Variants in SRP54 observed in about 807,000 individuals in gnomAD.
The protein encoded by SRP54 is signal recognition particle subunit SRP54.
A neutral mutation model predicts 64.8 loss-of-function variants in SRP54; 10 were observed. The ratio of observed to expected loss-of-function variants is 0.15; its 90% CI spans 0.10 to 0.26. SRP54 has a LOEUF of 0.26. SRP54 is among the 10% of genes least tolerant of loss of function. The probability of loss-of-function intolerance (pLI) is 1.00; values close to 1 mark genes in which losing one functional copy is unlikely to be tolerated. For synonymous variants in SRP54, 193 were observed against 185.6 expected (o/e 1.04, Z -0.32); for missense variants, 325 against 613.7 (o/e 0.53, Z 4.97).
At chr14:35,019,385 T>A in intron 13 of SRP54, 1 of 196,456 alleles carries the variant, frequency 5.1e-6, no homozygotes, top group South Asian at 9.4e-5. Flanking sequence ...TGCTAGTTTT[T>A]AAAGAGTTAA....
chr14:35,022,754 T>C (rs146957319), intron 13 of SRP54, among the ~76,000 whole-genome samples, 156 bp from the exon 14 acceptor site: 488 of 152,336 alleles, frequency 3.2e-3, no homozygotes, highest in Non-Finnish European at 5.3e-3. Flanking sequence ...TGTTTTTCTG[T>C]ATGTAAGATA....
intron 9 of SRP54, 111 bp downstream of exon 9, chr14:35,013,605 A>G: frequency 7.7e-7 from 1 of 1,297,584 alleles, no homozygotes; most frequent in Non-Finnish European, 1.1e-6. Context: ...TGAGCCTAAT[A>G]TGGTTTATAA....
intron 13 of SRP54, among the ~76,000 whole-genome samples, chr14:35,020,553 A>G (rs1199727063): frequency 2.6e-5 from 4 of 152,192 alleles, no homozygotes; most frequent in Admixed American, 2.6e-4. Flanking sequence ...ACAATTTTTC[A>G]TATCTGTGCT....
chr14:34,983,329 A>G (rs1025584046), intron 1 of SRP54, 114 bp downstream of exon 1: 2 of 151,902 alleles, frequency 1.3e-5, no homozygotes, highest in African/African-American at 2.4e-5. Context: ...GCCACCGGCC[A>G]TCGTTACCGA....
At chr14:34,983,786 C>G (rs993249776) in intron 1 of SRP54, among the ~76,000 whole-genome samples, 1 of 152,130 alleles carries the variant, frequency 6.6e-6, no homozygotes, top group African/African-American at 2.4e-5. Flanking sequence ...TTGTTCTTGG[C>G]TACAAGGATA....
intron 14 of SRP54, among the ~76,000 whole-genome samples, chr14:35,023,937 G>A (rs996604431): frequency 1.3e-5 from 2 of 152,076 alleles, no homozygotes; most frequent in African/African-American, 4.8e-5. Context: ...TTTTTGTGCA[G>A]TTCCATGAGA....
At chr14:35,006,180 A>G (rs1165756952) in intron 4 of SRP54, among the ~76,000 whole-genome samples, 1 of 152,144 alleles carries the variant, frequency 6.6e-6, no homozygotes, top group African/African-American at 2.4e-5. Flanking sequence ...CTGTCCCTAT[A>G]TGAACCTCAG....
intron 7 of SRP54, among the ~76,000 whole-genome samples, chr14:35,009,901 C>T (rs2044327354): frequency 6.6e-6 from 1 of 151,746 alleles, no homozygotes; most frequent in African/African-American, 2.4e-5. Flanking sequence ...GCTGGGCGCA[C>T]CACGTTGGGA....
intron 1 of SRP54, among the ~76,000 whole-genome samples, chr14:34,994,746 A>G (rs760153863): frequency 2.6e-5 from 4 of 151,936 alleles, no homozygotes; most frequent in South Asian, 2.1e-4. Flanking sequence ...AATAAAGCCT[A>G]TACTCTCTGC....
chr14:35,014,397 C>T (rs2044406227), intron 10 of SRP54, among the ~76,000 whole-genome samples: 1 of 151,740 alleles, frequency 6.6e-6, no homozygotes, highest in Admixed American at 6.6e-5. Flanking sequence ...CCTGCCTTAG[C>T]CTCCCAGGTA....
chr14:35,003,376 CTATT>C (rs71435840), intron 4 of SRP54, among the ~76,000 whole-genome samples: 55,225 of 150,918 alleles, frequency 0.37, 10,652 homozygotes, highest in East Asian at 0.69. Context: ...TCTGGACTCT[CTATT>C]TATTTATTTA....
intron 1 of SRP54, among the ~76,000 whole-genome samples, chr14:34,990,924 T>C (rs1249127092): frequency 6.6e-6 from 1 of 152,154 alleles, no homozygotes; most frequent in Non-Finnish European, 1.5e-5. Flanking sequence ...GCAGTGCCTT[T>C]CATGACTTTA....
chr14:35,004,586 A>G (rs1260716857), intron 4 of SRP54: 1 of 152,242 alleles, frequency 6.6e-6, no homozygotes, highest in East Asian at 1.9e-4. Flanking sequence ...CATGATTATA[A>G]AGAAGCCCTG....
chr14:35,017,551 T>A (rs1169445096), intron 11 of SRP54, among the ~76,000 whole-genome samples: 1 of 152,254 alleles, frequency 6.6e-6, no homozygotes, highest in Non-Finnish European at 1.5e-5. Context: ...ACATTTCTTT[T>A]AAGATACTGT....
chr14:35,018,939 T>C (rs775620405), intron 12 of SRP54, 27 bp from the exon 13 acceptor site: 10 of 1,592,658 alleles, frequency 6.3e-6, no homozygotes, highest in South Asian at 2.2e-5. Flanking sequence ...TAAGCTACTA[T>C]TGACTTTATG....
chr14:34,984,378 T>A (rs577569977), intron 1 of SRP54, among the ~76,000 whole-genome samples: 1 of 152,224 alleles, frequency 6.6e-6, no homozygotes, highest in Non-Finnish European at 1.5e-5. Context: ...GCCGTCCTTT[T>A]AGTTGGCCCT....
chr14:35,007,413 A>C (rs748732606), intron 5 of SRP54, 26 bp downstream of exon 5: 1 of 1,474,996 alleles, frequency 6.8e-7, no homozygotes, highest in South Asian at 1.3e-5. Context: ...TTTAAAAAGA[A>C]GTCATATGGA....
intron 3 of SRP54, among the ~76,000 whole-genome samples, chr14:35,000,562 CAAAAAAA>C (rs59878870): frequency 2.5e-5 from 3 of 122,080 alleles, no homozygotes; most frequent in Admixed American, 8.6e-5. Flanking sequence ...GAGACTGTCT[CAAAAAAA>C]AAAAAAGAAA....
intron 11 of SRP54, among the ~76,000 whole-genome samples, chr14:35,016,960 T>C (rs886832123): frequency 6.6e-6 from 1 of 151,596 alleles, no homozygotes; most frequent in Non-Finnish European, 1.5e-5. Flanking sequence ...TTTGAAGCAG[T>C]TCTCCTGCCT....
Sources: allele counts gnomAD v4.1 joint callset (sites outside exome capture counted in the v4.1 genomes callset), GRCh38; gene constraint gnomAD v4.1.1; transcripts MANE v1.5; gene names NCBI Gene and HGNC (gene_info 2026-07-23, HGNC 2026-07-21).